RGS6: variants seen among roughly 807,000 people sequenced by gnomAD.
The protein encoded by RGS6 is regulator of G protein signaling 6, also known as regulator of G-protein signaling 6.
Under a neutral mutation model 78.5 loss-of-function variants are expected in RGS6, and 30 were observed. The observed-to-expected ratio is 0.38, with a 90% CI of 0.29 to 0.52. The LOEUF (loss-of-function observed/expected upper bound fraction) is 0.52. Ranked by LOEUF, RGS6 falls within the 20% of genes least tolerant of loss-of-function variation. The probability of loss-of-function intolerance (pLI) is 0.85; values close to 1 mark genes in which losing one functional copy is unlikely to be tolerated. For synonymous variants in RGS6, 206 were observed against 206.0 expected (o/e 1.00, Z 0.00); for missense variants, 495 against 609.7 (o/e 0.81, Z 1.98).
At chr14:72,248,971 A>C (rs1377728503) in intron 2 of RGS6, among the ~76,000 whole-genome samples, 1 of 152,228 alleles carries the variant, frequency 6.6e-6, no homozygotes, top group Non-Finnish European at 1.5e-5. Flanking sequence ...CTATAACTGC[A>C]GTTTATCCTG....
At chr14:72,200,489 T>G (rs2041244587) in intron 2 of RGS6, among the ~76,000 whole-genome samples, 1 of 152,196 alleles carries the variant, frequency 6.6e-6, no homozygotes, top group Non-Finnish European at 1.5e-5. Flanking sequence ...ACTTGAAGCT[T>G]TTTGTCCCCA....
At chr14:72,338,944 C>T (rs2076507303) in intron 2 of RGS6, among the ~76,000 whole-genome samples, 1 of 152,034 alleles carries the variant, frequency 6.6e-6, no homozygotes. Context: ...TGCCTGCATG[C>T]TCACCTAAAT....
At chr14:72,088,726 A>G (rs2095151793) in intron 2 of RGS6, among the ~76,000 whole-genome samples, 1 of 151,684 alleles carries the variant, frequency 6.6e-6, no homozygotes, top group Admixed American at 6.6e-5. Context: ...CAACATCCAC[A>G]CTTTTTATCC....
chr14:72,333,095 G>A (rs1032565121), intron 2 of RGS6, among the ~76,000 whole-genome samples: 2 of 152,136 alleles, frequency 1.3e-5, no homozygotes, highest in African/African-American at 4.8e-5. Context: ...GCTGCCTCTT[G>A]GTCTATGGGA....
chr14:71,977,822 G>A (rs1277755005), intron 2 of RGS6, among the ~76,000 whole-genome samples: 2 of 151,966 alleles, frequency 1.3e-5, no homozygotes, highest in African/African-American at 2.4e-5. Context: ...AGCTTGATGG[G>A]GATGGCATTG....
At chr14:72,037,709 C>A (rs2091912532) in intron 2 of RGS6, among the ~76,000 whole-genome samples, 2 of 152,160 alleles carry the variant, frequency 1.3e-5, no homozygotes, top group Admixed American at 1.3e-4. Context: ...CTGTAGTTGC[C>A]CATGGGTATA....
At chr14:72,271,524 A>G (rs1214979670) in intron 2 of RGS6, among the ~76,000 whole-genome samples, 2 of 152,254 alleles carry the variant, frequency 1.3e-5, no homozygotes, top group African/African-American at 4.8e-5. Flanking sequence ...CACTGTAGAC[A>G]TGACCAAGTT....
At chr14:72,508,693 G>A (rs1281744083) in intron 13 of RGS6, among the ~76,000 whole-genome samples, 1 of 145,992 alleles carries the variant, frequency 6.8e-6, no homozygotes, top group Non-Finnish European at 1.5e-5. Context: ...TAAAATATAT[G>A]CATCTATTTT....
intron 3 of RGS6, among the ~76,000 whole-genome samples, chr14:72,430,398 T>G (rs2094579495): frequency 6.6e-6 from 1 of 152,224 alleles, no homozygotes; most frequent in South Asian, 2.1e-4. Flanking sequence ...AAGAATGTTA[T>G]GGCTGATCAA....
intron 2 of RGS6, among the ~76,000 whole-genome samples, chr14:71,994,126 C>G (rs2095088433): frequency 6.6e-6 from 1 of 151,998 alleles, no homozygotes; most frequent in Non-Finnish European, 1.5e-5. Context: ...GGCAAACAGA[C>G]CTGATCCAAA....
At chr14:72,387,397 A>C (rs1031869774) in intron 3 of RGS6, among the ~76,000 whole-genome samples, 1 of 152,066 alleles carries the variant, frequency 6.6e-6, no homozygotes, top group African/African-American at 2.4e-5. Flanking sequence ...AAAATACAAA[A>C]AATTAGCCAG....
chr14:71,870,778 G>T, the RGS6 span, among the ~76,000 whole-genome samples: 72 of 152,160 alleles, frequency 4.7e-4, 7 homozygotes. Context: ...AGCTGCCAGG[G>T]TCTTTTCCCT....
At chr14:72,085,308 T>G (rs2094982993) in intron 2 of RGS6, among the ~76,000 whole-genome samples, 7 of 152,188 alleles carry the variant, frequency 4.6e-5, no homozygotes, top group Admixed American at 4.6e-4. Flanking sequence ...TATCTTAATT[T>G]ATGTGTGAAG....
intron 17 of RGS6, chr14:72,547,285 A>T: frequency 1.3e-6 from 2 of 1,535,488 alleles, no homozygotes. Context: ...AGGAGAGGAG[A>T]CCCAACTCTG....
At chr14:72,139,588 G>T (rs2096505958) in intron 2 of RGS6, among the ~76,000 whole-genome samples, 1 of 152,188 alleles carries the variant, frequency 6.6e-6, no homozygotes, top group South Asian at 2.1e-4. Context: ...AATACTGTTT[G>T]CACTGAGCAT....
intron 2 of RGS6, among the ~76,000 whole-genome samples, chr14:72,147,630 G>A (rs2332803): frequency 0.82 from 125,473 of 152,206 alleles, 52,064 homozygotes; most frequent in Admixed American, 0.85. Flanking sequence ...CATTCAAATC[G>A]TAGCACATGG....
chr14:72,066,530 G>A (rs1227905119), intron 2 of RGS6, among the ~76,000 whole-genome samples: 1 of 134,644 alleles, frequency 7.4e-6, no homozygotes, highest in Non-Finnish European at 1.6e-5. Context: ...GTGCTTTTAA[G>A]CTAATGTGGC....
At chr14:72,416,307 A>G (rs1215502407) in intron 3 of RGS6, among the ~76,000 whole-genome samples, 2 of 152,130 alleles carry the variant, frequency 1.3e-5, no homozygotes, top group African/African-American at 2.4e-5. Flanking sequence ...CCTATCCCTC[A>G]TGGACCTTGA....
intron 3 of RGS6, among the ~76,000 whole-genome samples, chr14:72,368,904 A>G (rs997930253): frequency 6.6e-6 from 1 of 152,228 alleles, no homozygotes; most frequent in Non-Finnish European, 1.5e-5. Context: ...GTATGGTTAC[A>G]TTAAGTATCT....
Sources: allele counts gnomAD v4.1 joint callset (sites outside exome capture counted in the v4.1 genomes callset), GRCh38; gene constraint gnomAD v4.1.1; transcripts MANE v1.5; gene names NCBI Gene and HGNC (gene_info 2026-07-23, HGNC 2026-07-21).